The following ANGEL1 variants were observed in gnomAD, a reference collection of about 807,000 sequenced individuals.
ANGEL1 encodes angel homolog 1, also known as RNA 2',3'-cyclic phosphatase ANGEL1.
In ANGEL1, 62 loss-of-function variants were observed where a neutral mutation model predicts 76.4. The ratio of observed to expected loss-of-function variants is 0.81; its 90% CI spans 0.66 to 1.00. The LOEUF (loss-of-function observed/expected upper bound fraction) is 1.00, where lower values mean the gene tolerates loss of function less well. ANGEL1 is among the 50% of genes least tolerant of loss of function. The pLI is 0.00. For synonymous variants in ANGEL1, 340 were observed against 331.7 expected, an observed-to-expected ratio of 1.03 and a Z score of -0.27; for missense variants, 737 against 836.7, an observed-to-expected ratio of 0.88 and a Z score of 1.47.
chr14:76,804,123 A>C, intron 5 of ANGEL1: 1 of 1,446,132 alleles, frequency 6.9e-7, no homozygotes, highest in Non-Finnish European at 9.0e-7. Flanking sequence ...AATGTCCATG[A>C]AACAGGAGGA....
intron 1 of ANGEL1, among the ~76,000 whole-genome samples, chr14:76,811,532 GGGCC>G (rs1566703030): frequency 7.4e-6 from 1 of 134,238 alleles, no homozygotes; most frequent in African/African-American, 2.7e-5. Context: ...GGGGCGGGGG[GGGCC>G]CTCCTCTGAG....
At chr14:76,794,563 C>A (rs578054687) in intron 7 of ANGEL1, among the ~76,000 whole-genome samples, 41 of 151,222 alleles carry the variant, frequency 2.7e-4, no homozygotes, top group African/African-American at 9.5e-4. Context: ...CCCAGCTACT[C>A]GGGAGGCTGA....
At chr14:76,812,598 G>A (rs1011926031) in intron 1 of ANGEL1, 166 bp downstream of exon 1, 29 of 1,300,162 alleles carry the variant, frequency 2.2e-5, no homozygotes, top group Non-Finnish European at 2.8e-5. Flanking sequence ...GTGGGGTCAG[G>A]AGGGGCCCGC....
intron 7 of ANGEL1, among the ~76,000 whole-genome samples, chr14:76,795,318 G>T (rs1376856332): frequency 6.6e-6 from 1 of 151,976 alleles, no homozygotes; most frequent in East Asian, 1.9e-4. Flanking sequence ...TCCCAATATT[G>T]AACTATCCCT....
chr14:76,798,908 C>T (rs1469639215), intron 7 of ANGEL1, among the ~76,000 whole-genome samples: 4 of 139,842 alleles, frequency 2.9e-5, no homozygotes, highest in Non-Finnish European at 4.5e-5. Context: ...GACTGTGTCA[C>T]GGCACTCTAG....
At chr14:76,802,002 CAAAAAAAGA>C (rs1188008159) in intron 7 of ANGEL1, among the ~76,000 whole-genome samples, 1 of 148,668 alleles carries the variant, frequency 6.7e-6, no homozygotes, top group African/African-American at 2.5e-5. Context: ...TACTAAAATA[CAAAAAAAGA>C]AAAAAAAAAA....
intron 2 of ANGEL1, among the ~76,000 whole-genome samples, chr14:76,808,368 C>A (rs1001113955): frequency 5.0e-4 from 76 of 152,198 alleles, no homozygotes; most frequent in African/African-American, 1.8e-3. Flanking sequence ...ACCACTACAT[C>A]CCCAGCACCT....
Position 76,809,467 on chromosome 14 carries a change from G to A in ANGEL1, c.241C>T (p.Leu81Phe), listed in dbSNP as rs142363866. ...QVLSTASEGP[L>F]IDKGLAQSSL... ...CTCTGGGCTAGTCCTTTATCTATAA[G>A]GGGCCCCTCACTTGCAGTTGAGAGC... The change falls in exon 2 of 10, where the codon CTT becomes TTT. Residue 81 changes from leucine (L) to phenylalanine (F), a missense_variant. Leu to Phe is a conservative substitution (Grantham distance 22). Around this residue, in one of 2 missense-constraint regions of ANGEL1, gnomAD observed 441 missense variants for 449.5 expected, o/e 0.98. Coordinates refer to ENST00000251089, the MANE Select transcript of ANGEL1 (RefSeq NM_015305.4). 6.2e-7 allele frequency: 1 copy of A among 1,614,182 alleles called. No individual in the cohort carries two copies. The highest frequency in any genetic ancestry group is 8.5e-7 in the Non-Finnish European group (1 of 1,180,024).
At chr14:76,809,778 T>A (rs921545457) in intron 1 of ANGEL1, 135 bp from the exon 2 acceptor site, 2 of 698,916 alleles carry the variant, frequency 2.9e-6, no homozygotes, top group African/African-American at 3.6e-5. Context: ...TGAGCCTGCC[T>A]ACCTTAATGC....
chr14:76,797,255 G>A (rs1894607648), intron 7 of ANGEL1, among the ~76,000 whole-genome samples: 1 of 152,180 alleles, frequency 6.6e-6, no homozygotes, highest in African/African-American at 2.4e-5. Context: ...GATGTTAGTT[G>A]TAGGCTTGTT....
intron 7 of ANGEL1, among the ~76,000 whole-genome samples, chr14:76,801,112 C>T (rs1435948040): frequency 7.0e-6 from 1 of 142,514 alleles, no homozygotes; most frequent in Non-Finnish European, 1.5e-5. Flanking sequence ...TCTCCTACAT[C>T]TTTTTTTTTT....
At chr14:76,797,202 C>T (rs1194359540) in intron 7 of ANGEL1, among the ~76,000 whole-genome samples, 2 of 152,216 alleles carry the variant, frequency 1.3e-5, no homozygotes, top group East Asian at 3.8e-4. Context: ...TATCACACAA[C>T]AGCCAGTAAA....
At chr14:76,789,963 C>A (rs1459648866) in intron 9 of ANGEL1, among the ~76,000 whole-genome samples, 1 of 151,338 alleles carries the variant, frequency 6.6e-6, no homozygotes, top group Non-Finnish European at 1.5e-5. Context: ...CTCCCGAGTT[C>A]AAGCGATTCT....
rs1322447242 is a variant in ANGEL1 at position 76,809,618 on chromosome 14, AT to A, written c.89del (p.Asn30MetfsTer12). On this transcript the variant is annotated frameshift_variant, in exon 2 of 10. Coordinates refer to ENST00000251089, the MANE Select transcript of ANGEL1 (RefSeq NM_015305.4). LOFTEE classifies it high-confidence loss of function. The stretch of plus-strand genomic sequence containing the variant: ...GGGATGAGCTGTTCGCCAGAAGGAC[AT>A]TTTTTCGACATGTGAAGAAAGCATC... ...LSDAFFTCRKNVLLANSSSPQ... is the reference protein window; with the variant it reads ...LSDAFFTCRKXVLLANSSSPQ... 1 of 1,613,136 alleles carries A rather than the reference AT, an allele frequency of 6.2e-7. No individual in the cohort carries two copies. The highest frequency in any genetic ancestry group is 8.5e-7 in the Non-Finnish European group (1 of 1,179,514).
chr14:76,790,716 G>A lies in ANGEL1; in HGVS notation c.1747C>T (p.Pro583Ser), dbSNP rs774983541. 6 of 1,614,190 alleles carry A rather than the reference G, an allele frequency of 3.7e-6. No individual in the cohort carries two copies. The Admixed American group carries it at 8.3e-5, about 22-fold the overall frequency. ...GTGACCTCTGGGCGGCCACGCTGGG[G>A]CAGGAAGTGGGTATATACTGACGTC... ...HLTSVYTHFL[P>S]QRGRPEVTTM... Residue 583 changes from proline (P) to serine (S), a missense_variant, in exon 9 of 10, where the codon CCC (proline) becomes TCC (serine). This residue lies in a region of ANGEL1 where 296 missense variants were observed against 387.2 expected (regional missense o/e 0.76). Transcript: ENST00000251089.
chr14:76,797,537 T>C (rs1454141672), intron 7 of ANGEL1, among the ~76,000 whole-genome samples: 1 of 152,070 alleles, frequency 6.6e-6, no homozygotes, highest in Non-Finnish European at 1.5e-5. Flanking sequence ...GAGACAGAGA[T>C]TGCAGTGAGC....
At chr14:76,799,463 T>G (rs963691678) in intron 7 of ANGEL1, among the ~76,000 whole-genome samples, 3 of 151,744 alleles carry the variant, frequency 2.0e-5, no homozygotes, top group African/African-American at 7.3e-5. Context: ...CTGGCTAATC[T>G]TTTGTATTTT....
At position 76,789,063 on chromosome 14, in the gene ANGEL1, G is replaced by A. The variant is rs1404648809; in HGVS notation, c.*165C>T. 6 of 950,002 alleles carry A rather than the reference G, an allele frequency of 6.3e-6. No homozygotes were observed. The highest frequency in any genetic ancestry group is 7.9e-6 in the Non-Finnish European group (5 of 636,642). 58.8% of individuals were successfully genotyped at this position (950,002 alleles called of 1,614,324 possible). A position where few individuals can be genotyped will look rare whatever the true frequency, so the allele number is the denominator to read the frequency against. On this transcript the variant is annotated 3_prime_UTR_variant, in exon 10 of 10. Transcript: ENST00000251089. ...GCAAGGACCACAGGCAGAGAACGCA[G>A]CCAGGCCTGGAGAAAGTCTAACCGT...
At chr14:76,809,036 A>T in intron 2 of ANGEL1, 23 bp downstream of exon 2, 2 of 1,585,378 alleles carry the variant, frequency 1.3e-6, no homozygotes, top group Non-Finnish European at 1.7e-6. Flanking sequence ...CCCTTGGCTC[A>T]CTCAACCAGT....
Sources: gnomAD v4.1 joint callset for allele counts (sites outside exome capture counted in the v4.1 genomes callset) on GRCh38, gnomAD v4.1.1 for gene constraint, gnomAD v4.1.1 regional missense constraint, MANE v1.5 for transcripts, NCBI Gene and HGNC (gene_info 2026-07-23, HGNC 2026-07-21) for gene names.